The following ERAP1 variants were observed in gnomAD, a reference collection of about 807,000 sequenced individuals.
ERAP1 encodes the protein endoplasmic reticulum aminopeptidase 1.
A neutral mutation model predicts 103.7 loss-of-function variants in ERAP1; 86 were observed. The ratio of observed to expected loss-of-function variants is 0.83; its 90% confidence interval spans 0.70 to 0.99. The LOEUF (loss-of-function observed/expected upper bound fraction) is 0.99, where lower values mean the gene tolerates loss of function less well. Ranked by LOEUF, ERAP1 falls within the 50% of genes least tolerant of loss-of-function variation. ERAP1 has a pLI of 0.00. For synonymous variants in ERAP1, 398 were observed against 402.4 expected, an observed-to-expected ratio of 0.99 and a Z score of 0.13; for missense variants, 1,009 against 1,128.4, an observed-to-expected ratio of 0.89 and a Z score of 1.52.
At chr5:96,887,956 C>T in the ERAP1 span, among the ~76,000 whole-genome samples, 3 of 151,964 alleles carry the variant, frequency 2.0e-5, no homozygotes, top group African/African-American at 7.2e-5. Flanking sequence ...TGAAACCCCT[C>T]TCTACTAAAA....
chr5:96,860,291 T>C, the ERAP1 span, among the ~76,000 whole-genome samples: 7,408 of 152,186 alleles, frequency 0.049, 224 homozygotes, highest in South Asian at 0.11. Context: ...TGACCTCAGG[T>C]GATCCACCTG....
At chr5:96,838,297 T>C in the ERAP1 span, among the ~76,000 whole-genome samples, 3 of 152,102 alleles carry the variant, frequency 2.0e-5, no homozygotes, top group Non-Finnish European at 4.4e-5. Flanking sequence ...CAGCCAGAGC[T>C]TCAGGCTGGG....
At chr5:96,792,913 G>T (rs893302884) in intron 7 of ERAP1, among the ~76,000 whole-genome samples, 15 of 152,270 alleles carry the variant, frequency 9.9e-5, no homozygotes, top group African/African-American at 3.1e-4. Context: ...TAAGTTAAAT[G>T]TGGTGATTTA....
chr5:96,843,669 A>T, the ERAP1 span, among the ~76,000 whole-genome samples: 1 of 152,174 alleles, frequency 6.6e-6, no homozygotes, highest in Admixed American at 6.5e-5. Context: ...TATGTCCCTG[A>T]GTTGTTTTTC....
chr5:96,887,395 G>T, the ERAP1 span, among the ~76,000 whole-genome samples: 1 of 151,286 alleles, frequency 6.6e-6, no homozygotes, highest in Non-Finnish European at 1.5e-5. Context: ...CCGCCTCCTG[G>T]ATTCAAGCAA....
At chr5:96,778,982 G>A (rs1014279946) in intron 18 of ERAP1, among the ~76,000 whole-genome samples, 5 of 152,028 alleles carry the variant, frequency 3.3e-5, no homozygotes, top group African/African-American at 7.3e-5. Context: ...CAGGATCTTC[G>A]CACCTGATAT....
chr5:96,892,154 C>T, the ERAP1 span: 39 of 740,062 alleles, frequency 5.3e-5, no homozygotes, highest in African/African-American at 2.3e-4. Flanking sequence ...CTATAAGACA[C>T]CCTGTCAATG....
the ERAP1 span, chr5:96,889,340 TG>T: frequency 3.7e-6 from 6 of 1,612,924 alleles, no homozygotes; most frequent in Non-Finnish European, 8.5e-7. Flanking sequence ...TCTTCATTTT[TG>T]CTCATAAAAC....
the ERAP1 span, among the ~76,000 whole-genome samples, chr5:96,908,398 T>A: frequency 2.6e-5 from 4 of 152,330 alleles, no homozygotes; most frequent in Non-Finnish European, 5.9e-5. Context: ...AGAGAAGGCA[T>A]GTAACTTTAG....
the ERAP1 span, among the ~76,000 whole-genome samples, chr5:96,830,463 C>A: frequency 2.8e-4 from 43 of 152,206 alleles, no homozygotes; most frequent in Admixed American, 8.5e-4. Flanking sequence ...ATGGCAGTGA[C>A]TGAAAACTGG....
chr5:96,912,608 TTTC>T, the ERAP1 span: 1 of 1,566,874 alleles, frequency 6.4e-7, no homozygotes, highest in South Asian at 1.2e-5. Context: ...CATAAAACTT[TTTC>T]TTCATTTTTA....
At chr5:96,858,466 G>T in the ERAP1 span, among the ~76,000 whole-genome samples, 1 of 152,208 alleles carries the variant, frequency 6.6e-6, no homozygotes, top group East Asian at 1.9e-4. Flanking sequence ...CAAAGTGCTG[G>T]AATTACAGGT....
the ERAP1 span, chr5:96,889,507 CT>C: frequency 3.1e-5 from 22 of 706,532 alleles, no homozygotes; most frequent in Non-Finnish European, 5.3e-5. Context: ...TGGATCATTT[CT>C]CTATTCTTTT....
At chr5:96,854,803 G>A in the ERAP1 span, among the ~76,000 whole-genome samples, 2 of 152,118 alleles carry the variant, frequency 1.3e-5, no homozygotes, top group Non-Finnish European at 1.5e-5. Flanking sequence ...TAAAATGAAT[G>A]TCCTTGAAAC....
chr5:96,783,123 T>C lies in ERAP1; in HGVS notation c.2213A>G (p.His738Arg). 2 of 1,614,218 alleles carry C rather than the reference T, an allele frequency of 1.2e-6. No individual in the cohort carries two copies. Among genetic ancestry groups the C allele is most frequent in the Non-Finnish European group, 1.7e-6 (2 of 1,180,054 alleles). The stretch of plus-strand genomic sequence containing the variant: ...CCTCTGTACGCACGGCTGATAGTTG[T>C]GCACACAGGCGAGGAGTAGTAGTTG... ...RSQLLLLACV[H>R]NYQPCVQRAE... is the part of the protein sequence containing the mutation. Residue 738 changes from histidine to arginine, a missense_variant, in exon 15 of 19, where the codon CAC becomes CGC. By Grantham distance (29) the His-to-Arg change is conservative. Around this residue, in one of 3 missense-constraint regions of ERAP1, gnomAD observed 611 missense variants for 651.7 expected, o/e 0.94. Transcript: ENST00000443439.
the ERAP1 span, among the ~76,000 whole-genome samples, chr5:96,921,218 T>C: frequency 6.6e-6 from 1 of 152,284 alleles, no homozygotes; most frequent in Admixed American, 6.5e-5. Flanking sequence ...AGCCTTCGGC[T>C]TACCCCTTGG....
chr5:96,762,692 C>T (rs1768422234), exon 20 of ERAP1: 1 of 305,502 alleles, frequency 3.3e-6, no homozygotes, highest in Admixed American at 4.5e-5. Context: ...AGTTCTTTAG[C>T]TTTCCTGATA....
chr5:96,840,102 G>A, the ERAP1 span, among the ~76,000 whole-genome samples: 2 of 152,186 alleles, frequency 1.3e-5, no homozygotes, highest in Non-Finnish European at 1.5e-5. Flanking sequence ...ATTATTAGAT[G>A]AAAGGAAGAA....
rs773161433 is a variant in ERAP1, at chr5:96,788,545, G to C, written c.1665C>G (p.Gly555=). The C allele has an allele frequency of 7.4e-6, 12 of 1,614,036 alleles. No individual in the cohort carries two copies. The South Asian group carries it at 7.7e-5, about 10-fold the overall frequency. ...KQEHYMKGSD[G]APDTGYLWHV... ...AGGAGCATTACCCAGTGTCCGGGGC[G>C]CCGTCAGAGCCCTTCATGTAGTGCT... Residue 555 remains glycine (G), a synonymous_variant, in exon 11 of 19, where the codon GGC becomes GGG. Coordinates refer to ENST00000443439, the MANE Select transcript of ERAP1 (RefSeq NM_001040458.3).
Sources: allele counts gnomAD v4.1 joint callset (sites outside exome capture counted in the v4.1 genomes callset), GRCh38; gene constraint gnomAD v4.1.1; regional missense constraint gnomAD v4.1.1; transcripts MANE v1.5; gene names NCBI Gene and HGNC (gene_info 2026-07-23, HGNC 2026-07-21).